The following SLC44A4 variants were observed in gnomAD, a reference collection of about 807,000 sequenced individuals.
The protein encoded by SLC44A4 is solute carrier family 44 member 4, also known as choline transporter-like protein 4.
SLC44A4 carries 74 observed loss-of-function variants against 97.0 expected under a neutral mutation model. That is an observed-to-expected ratio of 0.76 (90% CI 0.63 to 0.93). The LOEUF (loss-of-function observed/expected upper bound fraction) is 0.93. SLC44A4 is among the 40% of genes least tolerant of loss of function. SLC44A4 has a pLI of 0.00. For missense variants in SLC44A4, 799 were observed against 902.9 expected (o/e 0.88, Z 1.48); for synonymous variants, 325 against 363.8 (o/e 0.89, Z 1.21).
At chr6:31,869,080 G>T in intron 13 of SLC44A4, 75 bp downstream of exon 13, 2 of 1,256,296 alleles carry the variant, frequency 1.6e-6, no homozygotes, top group Non-Finnish European at 2.2e-6. Flanking sequence ...AGTCTTCTCT[G>T]CACAATGAGG....
chr6:31,874,361 A>C lies in SLC44A4; in HGVS notation c.529+99T>G. The C allele has an allele frequency of 7.3e-7, 1 of 1,365,670 alleles. No homozygotes were observed. Among genetic ancestry groups the C allele is most frequent in the Non-Finnish European group, 1.0e-6 (1 of 965,900 alleles). 84.6% of individuals were successfully genotyped at this position (1,365,670 alleles called of 1,614,324 possible). The stretch of plus-strand genomic sequence containing the variant: ...TGCTAATTCCAATTTTGCCACCAAC[A>C]AGCTATGTGACTTCACTCTCTCTGG... On this transcript the variant is annotated intron_variant, in intron 7 of 20. Coordinates refer to ENST00000229729, the MANE Select transcript of SLC44A4 (RefSeq NM_025257.3). This position sits in a 1 kb window ranked among gnomAD's most constrained non-coding sequence, Gnocchi z 4.8.
chr6:31,869,068 TCA>T (rs1763004876), intron 13 of SLC44A4, 85 bp downstream of exon 13: 15 of 1,121,496 alleles, frequency 1.3e-5, no homozygotes, highest in Non-Finnish European at 1.9e-5. Context: ...CTCTGTGGCC[TCA>T]GTCTTCTCTG....
Position 31,865,061 on chromosome 6 carries a change from C to G in SLC44A4, c.1780G>C (p.Val594Leu), listed in dbSNP as rs781676662. 2.5e-6 allele frequency: 4 copies of G among 1,613,508 alleles called. No homozygotes were observed. Among genetic ancestry groups the G allele is most frequent in the Non-Finnish European group, 3.4e-6 (4 of 1,180,044 alleles). ...NIVRVVVLDK[V>L]TDLLLFFGKL... ...CCAAAGAACAGCAGCAGGTCTGTGA[C>G]TTTGTCCAGGACGACCACCCTGTGC... Residue 594 changes from valine (V) to leucine (L), a missense_variant, in exon 18 of 21, where the codon GTC becomes CTC. Physicochemically the swap from Val to Leu is conservative, Grantham distance 32 (BLOSUM62 1). This residue lies in a region of SLC44A4 where 379 missense variants were observed against 438.3 expected (regional missense o/e 0.86). Transcript: ENST00000229729. This position sits in a 1 kb window ranked among gnomAD's most constrained non-coding sequence, Gnocchi z 5.2.
chr6:31,864,404 C>G (rs1458183682), intron 20 of SLC44A4: 10 of 583,746 alleles, frequency 1.7e-5, no homozygotes, highest in Non-Finnish European at 2.7e-5. Context: ...CCCGAGATTT[C>G]TTAGGGAAGA....
chr6:31,875,652 G>A (rs546725067), intron 4 of SLC44A4, among the ~76,000 whole-genome samples, 200 bp downstream of exon 4: 24 of 152,270 alleles, frequency 1.6e-4, no homozygotes, highest in African/African-American at 5.1e-4. Context: ...TTTCTGGGGG[G>A]ACTCAAGAAG....
Position 31,878,976 on chromosome 6 carries a change from C to T in SLC44A4, c.5G>A (p.Gly2Glu), listed in dbSNP as rs766584287. ...GTCATCCTCGTCCCGCTGCTTTCCCCCCATGGCTCAGTCTCCGGAGTGATT... is the reference window on the plus strand; with the variant it reads ...GTCATCCTCGTCCCGCTGCTTTCCCTCCATGGCTCAGTCTCCGGAGTGATT... M[G>E]GKQRDEDDEA... The change falls in exon 1 of 21, where the codon GGG becomes GAG. Residue 2 changes from glycine (G) to glutamate (E), a missense_variant. By Grantham distance (98) the Gly-to-Glu change is moderately conservative (BLOSUM62 -2). Transcript: ENST00000229729. The surrounding 1 kb of genome is among the most constrained non-coding windows in gnomAD (Gnocchi z 4.0). The T allele has an allele frequency of 1.9e-6, 3 of 1,613,756 alleles. No individual in the cohort carries two copies. Among genetic ancestry groups the T allele is most frequent in the African/African-American group, 2.7e-5 (2 of 75,052 alleles).
In SLC44A4 at chr6:31,874,672, C is replaced by T. The variant is rs1562455967; in HGVS notation, c.468+49G>A. ...CCCAACTCCCCCTCCCTCTCGTGCC[C>T]ACCCTGGCCCTTCTGGGCGACAGTG... is the stretch of plus-strand genomic sequence containing the variant. On this transcript the variant is annotated intron_variant, in intron 6 of 20. Coordinates refer to ENST00000229729, the MANE Select transcript of SLC44A4 (RefSeq NM_025257.3). The surrounding 1 kb of genome is among the most constrained non-coding windows in gnomAD (Gnocchi z 4.8). The T allele has an allele frequency of 6.4e-7, 1 of 1,571,180 alleles. No individual in the cohort carries two copies. Among genetic ancestry groups the T allele is most frequent in the Non-Finnish European group, 8.6e-7 (1 of 1,159,390 alleles).
At position 31,866,001 on chromosome 6, in the gene SLC44A4, G is replaced by GGCCA; in HGVS notation, c.1358_1359insTGGC (p.Leu454GlyfsTer3). On this transcript the variant is annotated frameshift_variant, in exon 14 of 21. Transcript: ENST00000229729. LOFTEE classifies it high-confidence loss of function. ...GGCCCAGGGCCAGTACCCAGTTAAG[G>GGCCA]GTCCAGAAGAGCCCCAGGACCCCAT... is the stretch of plus-strand genomic sequence containing the variant. The GGCCA allele has an allele frequency of 6.2e-7, 1 of 1,614,188 alleles. No individual in the cohort carries two copies. The highest frequency in any genetic ancestry group is 8.5e-7 in the Non-Finnish European group (1 of 1,180,030).
At chr6:31,869,902 G>A (rs550721112) in intron 11 of SLC44A4, among the ~76,000 whole-genome samples, 1 of 152,178 alleles carries the variant, frequency 6.6e-6, no homozygotes, top group South Asian at 2.1e-4. Context: ...GGAGAATGGC[G>A]TGAACCCGGG....
rs1763037626 is a variant in SLC44A4, at chr6:31,869,558, C to G, written c.1117G>C (p.Ala373Pro). 1 of 1,603,370 alleles carries G rather than the reference C, an allele frequency of 6.2e-7. No homozygotes were observed. Among genetic ancestry groups the G allele is most frequent in the Admixed American group, 1.7e-5 (1 of 58,448 alleles). Residue 373 changes from alanine (A) to proline (P), a missense_variant, in exon 12 of 21, where the codon GCC (alanine) becomes CCC (proline). Around this residue, in one of 3 missense-constraint regions of SLC44A4, gnomAD observed 379 missense variants for 438.3 expected, o/e 0.86. Coordinates refer to ENST00000229729, the MANE Select transcript of SLC44A4 (RefSeq NM_025257.3). Reference sequence around the variant, plus strand: ...GGCAGAGGATACAGAGCAGTCATGGCCCAGTAGGCAATGCAGATGAGGAGG... The same window carrying G: ...GGCAGAGGATACAGAGCAGTCATGGGCCAGTAGGCAATGCAGATGAGGAGG... ...VLLLICIAYW[A>P]MTALYLATSG...
chr6:31,877,501 G>T lies in SLC44A4; in HGVS notation c.41-419C>A. On this transcript the variant is annotated intron_variant, in intron 1 of 20. Coordinates refer to ENST00000229729, the MANE Select transcript of SLC44A4 (RefSeq NM_025257.3). This position sits in a 1 kb window ranked among gnomAD's most constrained non-coding sequence, Gnocchi z 6.5. Reference sequence around the variant, plus strand: ...CTAATCCCTCCCCAGGGACCACACAGACCCACAGCCCCTCAGGGAGGTCAT... The same window carrying T: ...CTAATCCCTCCCCAGGGACCACACATACCCACAGCCCCTCAGGGAGGTCAT... The T allele has an allele frequency of 1.5e-6, 1 of 689,488 alleles. No homozygotes were observed. Among genetic ancestry groups the T allele is most frequent in the Non-Finnish European group, 1.8e-6 (1 of 547,796 alleles). 42.7% of individuals were successfully genotyped at this position (689,488 alleles called of 1,614,324 possible).
chr6:31,876,213 A>G lies in SLC44A4; in HGVS notation c.90-84T>C, dbSNP rs1763438022. Reference sequence around the variant, plus strand: ...GGTCTGGAGGGGTTAAGGGTTAGAGAGTTGGGTGATGCTGCAGCATGGGCA... The same window carrying G: ...GGTCTGGAGGGGTTAAGGGTTAGAGGGTTGGGTGATGCTGCAGCATGGGCA... On this transcript the variant is annotated intron_variant, in intron 2 of 20. Coordinates refer to ENST00000229729, the MANE Select transcript of SLC44A4 (RefSeq NM_025257.3). The surrounding 1 kb of genome is among the most constrained non-coding windows in gnomAD (Gnocchi z 4.8). The G allele has an allele frequency of 9.6e-7, 1 of 1,041,918 alleles. No homozygotes were observed. The highest frequency in any genetic ancestry group is 1.4e-6 in the Non-Finnish European group (1 of 709,864). The allele number at this position is 1,041,918 out of a possible 1,614,324, so 64.5% of individuals were successfully genotyped here.
In SLC44A4 at chr6:31,874,421, G is replaced by T; in HGVS notation, c.529+39C>A. The T allele has an allele frequency of 6.2e-7, 1 of 1,602,678 alleles. No individual in the cohort carries two copies. Among genetic ancestry groups the T allele is most frequent in the Non-Finnish European group, 8.5e-7 (1 of 1,170,680 alleles). On this transcript the variant is annotated intron_variant, in intron 7 of 20. Coordinates refer to ENST00000229729, the MANE Select transcript of SLC44A4 (RefSeq NM_025257.3). The surrounding 1 kb of genome is among the most constrained non-coding windows in gnomAD (Gnocchi z 4.8). The stretch of plus-strand genomic sequence containing the variant: ...CTTCATTCAAGCAATGAAAACACTG[G>T]ACTAGATGACGTCTGAGGAAGGAAT...
chr6:31,865,598 A>C lies in SLC44A4; in HGVS notation c.1586T>G (p.Val529Gly), dbSNP rs758266683. 1 of 1,604,926 alleles carries C rather than the reference A, an allele frequency of 6.2e-7. No individual in the cohort carries two copies. The highest frequency in any genetic ancestry group is 2.2e-5 in the East Asian group (1 of 44,658). ...GATGCAGCGGGCTACAGGGTTCTGC[A>C]CTCCTGGGAGCGAGGAAGGCTCATG... is the stretch of plus-strand genomic sequence containing the variant. ...LEYIDHKLRG[V>G]QNPVARCIMC... The change falls in exon 16 of 21, where the codon GTG becomes GGG. Residue 529 changes from valine to glycine, a missense_variant. Val to Gly is a moderately radical substitution (Grantham distance 109). Around this residue, in one of 3 missense-constraint regions of SLC44A4, gnomAD observed 379 missense variants for 438.3 expected, o/e 0.86. Coordinates refer to ENST00000229729, the MANE Select transcript of SLC44A4 (RefSeq NM_025257.3). This position sits in a 1 kb window ranked among gnomAD's most constrained non-coding sequence, Gnocchi z 5.2.
chr6:31,869,045 C>T (rs2151559540), intron 13 of SLC44A4, 110 bp downstream of exon 13: 1 of 854,400 alleles, frequency 1.2e-6, no homozygotes, highest in South Asian at 1.9e-5. Flanking sequence ...TGACCTTGCA[C>T]AAGTTTCTTG....
In SLC44A4 at chr6:31,865,635, C is replaced by T. The variant is rs1415289022; in HGVS notation, c.1583-34G>A. On this transcript the variant is annotated intron_variant, in intron 15 of 20. Transcript: ENST00000229729. This position sits in a 1 kb window ranked among gnomAD's most constrained non-coding sequence, Gnocchi z 5.2. ...GAGGAAGGCTCATGTTTGGTCACTGCCCCTCCCTAATGGCCTTCCCCAGCT... is the reference window on the plus strand; with the variant it reads ...GAGGAAGGCTCATGTTTGGTCACTGTCCCTCCCTAATGGCCTTCCCCAGCT... 1.2e-6 allele frequency: 2 copies of T among 1,610,216 alleles called. No individual in the cohort carries two copies. Among genetic ancestry groups the T allele is most frequent in the African/African-American group, 2.7e-5 (2 of 74,866 alleles).
intron 13 of SLC44A4, among the ~76,000 whole-genome samples, chr6:31,867,513 T>C (rs1228219937): frequency 2.0e-5 from 3 of 152,034 alleles, no homozygotes; most frequent in Non-Finnish European, 4.4e-5. Context: ...GCAAATTGCT[T>C]GAGCCCATTT....
chr6:31,870,323 C>T (rs1273482347), intron 11 of SLC44A4, among the ~76,000 whole-genome samples: 3 of 152,088 alleles, frequency 2.0e-5, no homozygotes, highest in African/African-American at 4.8e-5. Context: ...GGATTCCTGC[C>T]GTTCCACTCA....
chr6:31,864,669 G>A lies in SLC44A4; in HGVS notation c.1994C>T (p.Thr665Met), dbSNP rs369562532. Reference sequence around the variant, plus strand: ...TCACTCACGGAAGCAGAGGAAGAGCGTGTCCACACACATGCCGAAAACGCT... The same window carrying A: ...TCACTCACGGAAGCAGAGGAAGAGCATGTCCACACACATGCCGAAAACGCT... ...FFSVFGMCVD[T>M]LFLCFLEDLE... The change falls in exon 20 of 21, where the codon ACG becomes ATG. Residue 665 changes from threonine (T) to methionine (M), a missense_variant. Thr to Met is a moderately conservative substitution (Grantham distance 81). Around this residue, in one of 3 missense-constraint regions of SLC44A4, gnomAD observed 379 missense variants for 438.3 expected, o/e 0.86. Coordinates refer to ENST00000229729, the MANE Select transcript of SLC44A4 (RefSeq NM_025257.3). The A allele has an allele frequency of 9.9e-6, 16 of 1,613,982 alleles. No homozygotes were observed. Among genetic ancestry groups the A allele is most frequent in the Admixed American group, 3.3e-5 (2 of 60,000 alleles).
Sources: allele counts gnomAD v4.1 joint callset (sites outside exome capture counted in the v4.1 genomes callset), GRCh38; gene constraint gnomAD v4.1.1; regional missense constraint gnomAD v4.1.1; non-coding constraint Gnocchi (gnomAD v3.1); transcripts MANE v1.5; gene names NCBI Gene and HGNC (gene_info 2026-07-23, HGNC 2026-07-21).